The following DIP2B variants were observed in gnomAD, a reference collection of about 807,000 sequenced individuals.
DIP2B encodes the protein DIP2 acetate--CoA ligase B (putative).
Under a neutral mutation model 198.0 loss-of-function variants are expected in DIP2B, and 76 were observed. The observed-to-expected ratio is 0.38, with a 90% confidence interval of 0.32 to 0.46. The LOEUF (loss-of-function observed/expected upper bound fraction) is 0.46. Ranked by LOEUF, DIP2B falls within the 20% of genes least tolerant of loss-of-function variation. The probability of loss-of-function intolerance (pLI) is 0.99; values close to 1 mark genes in which losing one functional copy is unlikely to be tolerated. For synonymous variants in DIP2B, 701 were observed against 739.1 expected (o/e 0.95, Z 0.84); for missense variants, 1,559 against 1,978.4 (o/e 0.79, Z 4.02).
chr12:50,568,170 G>A (rs530428525), intron 1 of DIP2B, among the ~76,000 whole-genome samples: 2 of 152,104 alleles, frequency 1.3e-5, no homozygotes, highest in African/African-American at 2.4e-5. Context: ...CTGGGACTTG[G>A]GAGTGTCTTA....
intron 1 of DIP2B, among the ~76,000 whole-genome samples, chr12:50,590,144 T>TA (rs1241741569): frequency 1.1e-4 from 17 of 149,938 alleles, no homozygotes; most frequent in African/African-American, 4.2e-4. Context: ...AGGATCATGT[T>TA]ACCGTTTCTG....
chr12:50,556,275 C>T (rs1958470143), intron 1 of DIP2B, among the ~76,000 whole-genome samples: 1 of 151,898 alleles, frequency 6.6e-6, no homozygotes, highest in African/African-American at 2.4e-5. Context: ...GTCTCGAACT[C>T]CCGACCTCGT....
intron 2 of DIP2B, among the ~76,000 whole-genome samples, chr12:50,631,503 G>A (rs901735171): frequency 1.3e-5 from 2 of 152,046 alleles, no homozygotes; most frequent in African/African-American, 4.8e-5. Context: ...GGGATTACAG[G>A]CATGAGCCAC....
Position 50,660,205 on chromosome 12 carries a change from G to C in DIP2B, c.313G>C (p.Glu105Gln), listed in dbSNP as rs750391754. ...GTTTGCTTTTTCAGATATCCACACA[G>C]AAGCAGTTCAGGCTGCACTGGCAAA... is the stretch of plus-strand genomic sequence containing the variant. Reference protein sequence around the residue: ...DERYRSDIHTEAVQAALAKHK... With the variant: ...DERYRSDIHTQAVQAALAKHK... Residue 105 changes from glutamate to glutamine, a missense_variant, in exon 4 of 38, where the codon GAA becomes CAA. By Grantham distance (29) the Glu-to-Gln change is conservative. Transcript: ENST00000301180. 3.1e-6 allele frequency: 5 copies of C among 1,607,636 alleles called. No homozygotes were observed. In the East Asian group the frequency reaches 1.1e-4, roughly 36 times the overall value.
At chr12:50,668,990 A>G (rs1938803290) in intron 4 of DIP2B, among the ~76,000 whole-genome samples, 1 of 151,688 alleles carries the variant, frequency 6.6e-6, no homozygotes, top group Non-Finnish European at 1.5e-5. Context: ...TTCTTTATGG[A>G]CCTCATCACT....
At chr12:50,621,437 C>T (rs1937809111) in intron 1 of DIP2B, among the ~76,000 whole-genome samples, 2 of 45,868 alleles carry the variant, frequency 4.4e-5, no homozygotes, top group Admixed American at 3.4e-4. Context: ...CTTTTTCTCC[C>T]ATTTCTAGTT....
chr12:50,552,326 G>A (rs1958433578), intron 1 of DIP2B, among the ~76,000 whole-genome samples: 1 of 150,156 alleles, frequency 6.7e-6, no homozygotes, highest in Non-Finnish European at 1.5e-5. Context: ...GGAGTGCAAT[G>A]GCGTAATCTC....
chr12:50,531,105 G>A (rs1958212980), intron 1 of DIP2B, among the ~76,000 whole-genome samples: 1 of 152,214 alleles, frequency 6.6e-6, no homozygotes, highest in East Asian at 1.9e-4. Context: ...GAGTGCGGTG[G>A]CGCAATCTCA....
chr12:50,541,131 A>G (rs1958321802), intron 1 of DIP2B, among the ~76,000 whole-genome samples: 1 of 152,198 alleles, frequency 6.6e-6, no homozygotes, highest in Non-Finnish European at 1.5e-5. Context: ...TAAATGTAGA[A>G]AGAATCAGTG....
intron 5 of DIP2B, among the ~76,000 whole-genome samples, chr12:50,673,875 A>T (rs954242138): frequency 6.6e-6 from 1 of 152,226 alleles, no homozygotes; most frequent in East Asian, 1.9e-4. Flanking sequence ...TCTGTCAAGG[A>T]GATCCAAATT....
At chr12:50,612,341 T>C (rs1959038894) in intron 1 of DIP2B, among the ~76,000 whole-genome samples, 1 of 152,218 alleles carries the variant, frequency 6.6e-6, no homozygotes, top group Non-Finnish European at 1.5e-5. Context: ...TCTTTCAGCA[T>C]TCTTTCCTTT....
chr12:50,733,108 G>A (rs1940074869), intron 32 of DIP2B, among the ~76,000 whole-genome samples: 1 of 151,824 alleles, frequency 6.6e-6, no homozygotes, highest in Admixed American at 6.6e-5. Context: ...GTTTCGCCCT[G>A]TTGACCAGGC....
rs1283146318 is a variant in DIP2B at position 50,511,040 on chromosome 12, G to A, written c.100+5800G>A. ...GGCTCACTGCAACCTCTGCCTCCTG[G>A]GTTCAAGGGATTCTCCAGCCTCAGC... On this transcript the variant is annotated intron_variant, in intron 1 of 37. Coordinates refer to ENST00000301180, the MANE Select transcript of DIP2B (RefSeq NM_173602.3). Among the ~76,000 whole-genome samples the A allele has an allele frequency of 5.3e-5, 8 of 150,948 alleles. No homozygotes were observed. In the South Asian group the frequency reaches 6.3e-4, roughly 12 times the overall value.
At chr12:50,668,952 C>T (rs1938802387) in intron 4 of DIP2B, among the ~76,000 whole-genome samples, 1 of 151,998 alleles carries the variant, frequency 6.6e-6, no homozygotes, top group South Asian at 2.1e-4. Flanking sequence ...CTTTTAATCA[C>T]CCCCCTTTTG....
At chr12:50,696,216 C>G (rs1939309423) in intron 16 of DIP2B, among the ~76,000 whole-genome samples, 1 of 152,228 alleles carries the variant, frequency 6.6e-6, no homozygotes, top group Admixed American at 6.5e-5. Flanking sequence ...TGCCCCAGCC[C>G]TAGATGACTG....
At position 50,512,993 on chromosome 12, in the gene DIP2B, C is replaced by T. The variant is rs113539576; in HGVS notation, c.100+7753C>T. Among the ~76,000 whole-genome samples the T allele has an allele frequency of 9.2e-3, 1,399 of 152,182 alleles. 26 individuals are homozygous for T. The highest frequency in any genetic ancestry group is 0.032 in the African/African-American group (1,319 of 41,520). The stretch of plus-strand genomic sequence containing the variant: ...CTGCACTCCAGCCTGGGCGACAGAG[C>T]GAGACACCATCTCAACAACAACAAC... On this transcript the variant is annotated intron_variant, in intron 1 of 37. Transcript: ENST00000301180.
In DIP2B at chr12:50,535,368, ATTT is replaced by A. The variant is rs35491499; in HGVS notation, c.100+30144_100+30146del. On this transcript the variant is annotated intron_variant, in intron 1 of 37. Transcript: ENST00000301180. ...ATTGCTTGAGCCCAGGAATCAGGAA[ATTT>A]TTTTTTTTTTTTTTTGAAACAGAGT... 4.9e-5 allele frequency among the ~76,000 whole-genome samples: 7 copies of A among 141,828 alleles called. No homozygotes were observed. In the South Asian group the frequency reaches 6.8e-4, roughly 14 times the overall value. The allele number at this position is 141,828 out of a possible 152,430, so 93.0% of individuals were successfully genotyped here. A position where few individuals can be genotyped will look rare whatever the true frequency, so the allele number is the denominator to read the frequency against.
intron 1 of DIP2B, among the ~76,000 whole-genome samples, chr12:50,525,743 G>A (rs1433055780): frequency 1.3e-5 from 2 of 151,968 alleles, no homozygotes; most frequent in Non-Finnish European, 2.9e-5. Context: ...GAACTCCTGG[G>A]CTCAAGCCAT....
At chr12:50,533,704 G>A (rs184753188) in intron 1 of DIP2B, among the ~76,000 whole-genome samples, 1 of 151,930 alleles carries the variant, frequency 6.6e-6, no homozygotes, top group East Asian at 1.9e-4. Flanking sequence ...TACCTCTTGG[G>A]CTCAAGCAAT....
Sources: gnomAD v4.1 joint callset for allele counts (sites outside exome capture counted in the v4.1 genomes callset) on GRCh38, gnomAD v4.1.1 for gene constraint, MANE v1.5 for transcripts, NCBI Gene and HGNC (gene_info 2026-07-23, HGNC 2026-07-21) for gene names.